ZC3H12C: variants seen among roughly 807,000 people sequenced by gnomAD.
ZC3H12C encodes the protein probable ribonuclease ZC3H12C.
Under a neutral mutation model 76.3 loss-of-function variants are expected in ZC3H12C, and 20 were observed. The ratio of observed to expected loss-of-function variants is 0.26; its 90% confidence interval spans 0.18 to 0.38. The LOEUF is 0.38. Among genes scored for constraint, ZC3H12C ranks in the 10% least tolerant of loss-of-function variants. The pLI is 1.00. For missense variants in ZC3H12C, 874 were observed against 1,086.5 expected (o/e 0.80, Z 2.75); for synonymous variants, 352 against 399.6 (o/e 0.88, Z 1.42).
intron 1 of ZC3H12C, among the ~76,000 whole-genome samples, chr11:110,132,186 T>C (rs1476561738): frequency 6.6e-6 from 1 of 152,210 alleles, no homozygotes; most frequent in East Asian, 1.9e-4. Context: ...AAGTTTATGG[T>C]CTAATATTCC....
chr11:110,159,633 G>A, intron 4 of ZC3H12C, 143 bp downstream of exon 4: 2 of 744,226 alleles, frequency 2.7e-6, no homozygotes, highest in African/African-American at 1.8e-5. Flanking sequence ...GATCCTCAGT[G>A]GGAGTCAGGA....
chr11:110,111,773 G>A (rs960840950), intron 1 of ZC3H12C, among the ~76,000 whole-genome samples: 2 of 150,818 alleles, frequency 1.3e-5, no homozygotes, highest in African/African-American at 4.9e-5. Context: ...AAATTCCTGG[G>A]CTCAAGCCAC....
At position 110,156,445 on chromosome 11, in the gene ZC3H12C, T is replaced by A. The variant is rs549352646; in HGVS notation, c.914-2811T>A. ...CTAGTTTTACTGAACCCATATTACT[T>A]ATGTCAGGATTATTTATGTCATCCT... is the stretch of plus-strand genomic sequence containing the variant. On this transcript the variant is annotated intron_variant, in intron 3 of 5. Transcript: ENST00000278590. 6.6e-5 allele frequency among the ~76,000 whole-genome samples: 10 copies of A among 152,334 alleles called. No homozygotes were observed. The South Asian group carries it at 1.2e-3, about 19-fold the overall frequency.
Position 110,164,789 on chromosome 11 carries a change from T to A in ZC3H12C, c.1704T>A (p.Asn568Lys). The A allele has an allele frequency of 6.2e-7, 1 of 1,613,966 alleles. No homozygotes were observed. The change falls in exon 6 of 6, where the codon AAT (asparagine) becomes AAA (lysine). Residue 568 changes from asparagine to lysine, a missense_variant. Asn to Lys is a moderately conservative substitution (Grantham distance 94). This residue lies in a region of ZC3H12C where 395 missense variants were observed against 434.4 expected (regional missense o/e 0.91). Transcript: ENST00000278590. This position sits in a 1 kb window ranked among gnomAD's most constrained non-coding sequence, Gnocchi z 5.7. ...QYPSMMMATK[N>K]HGTPMPYEQY... Reference sequence around the variant, plus strand: ...CTTCAATGATGATGGCAACCAAAAATCATGGAACGCCAATGCCTTATGAAC... The same window carrying A: ...CTTCAATGATGATGGCAACCAAAAAACATGGAACGCCAATGCCTTATGAAC...
At chr11:110,125,245 T>TG (rs1224774349) in intron 1 of ZC3H12C, among the ~76,000 whole-genome samples, 1 of 151,768 alleles carries the variant, frequency 6.6e-6, no homozygotes, top group Non-Finnish European at 1.5e-5. Context: ...ATGGATTTTA[T>TG]GGGAACCATA....
chr11:110,116,056 G>A (rs188270823), intron 1 of ZC3H12C, among the ~76,000 whole-genome samples: 2 of 152,208 alleles, frequency 1.3e-5, no homozygotes, highest in East Asian at 1.9e-4. Context: ...CACCACGCCC[G>A]GCCTGTTTTC....
intron 1 of ZC3H12C, among the ~76,000 whole-genome samples, chr11:110,132,324 G>A (rs868256818): frequency 5.3e-5 from 8 of 152,098 alleles, no homozygotes; most frequent in Non-Finnish European, 8.8e-5. Flanking sequence ...AGGAATTTCA[G>A]TGTGTGCAAT....
chr11:110,147,772 T>C lies in ZC3H12C; in HGVS notation c.774-5147T>C, dbSNP rs886578806. Among the ~76,000 whole-genome samples the C allele has an allele frequency of 4.6e-5, 7 of 152,324 alleles. No individual in the cohort carries two copies. The East Asian group carries it at 7.7e-4, about 17-fold the overall frequency. ...ATTTGCCAACCTAATACCTTAATTC[T>C]AGGACAGTCTGTTATCCAGGTTCTC... On this transcript the variant is annotated intron_variant, in intron 2 of 5. Transcript: ENST00000278590.
chr11:110,095,598 T>C (rs1273675855), intron 1 of ZC3H12C, among the ~76,000 whole-genome samples: 1 of 152,252 alleles, frequency 6.6e-6, no homozygotes, highest in African/African-American at 2.4e-5. Context: ...TTATTATCAC[T>C]CTAGCTGCTG....
At chr11:110,133,969 A>G (rs935077649) in intron 1 of ZC3H12C, among the ~76,000 whole-genome samples, 10 of 152,198 alleles carry the variant, frequency 6.6e-5, no homozygotes, top group African/African-American at 2.2e-4. Flanking sequence ...TGTATTTTTC[A>G]TAAGGTATTC....
intron 4 of ZC3H12C, among the ~76,000 whole-genome samples, chr11:110,160,681 G>A (rs190385431): frequency 3.9e-5 from 6 of 152,102 alleles, no homozygotes; most frequent in African/African-American, 9.6e-5. Context: ...CTATGGTAAC[G>A]ATGCCTTTTG....
chr11:110,134,782 T>C (rs1861925556), intron 1 of ZC3H12C, among the ~76,000 whole-genome samples: 1 of 152,148 alleles, frequency 6.6e-6, no homozygotes, highest in Admixed American at 6.6e-5. Context: ...AACAATGATA[T>C]TAAAGTTGTC....
chr11:110,134,412 T>G (rs912454316), intron 1 of ZC3H12C, among the ~76,000 whole-genome samples: 2 of 152,150 alleles, frequency 1.3e-5, no homozygotes, highest in African/African-American at 4.8e-5. Context: ...CCAATAGGTT[T>G]TCCTCGTTTA....
intron 2 of ZC3H12C, among the ~76,000 whole-genome samples, chr11:110,143,417 T>C (rs1862102725): frequency 6.6e-6 from 1 of 152,014 alleles, no homozygotes; most frequent in African/African-American, 2.4e-5. Flanking sequence ...CAAGATGGTT[T>C]ATGTATAATC....
chr11:110,161,507 C>CTAAT (rs1423940075), intron 4 of ZC3H12C, among the ~76,000 whole-genome samples: 1 of 152,260 alleles, frequency 6.6e-6, no homozygotes, highest in East Asian at 1.9e-4. Flanking sequence ...ACCTCTTGTG[C>CTAAT]TAATTAAAAA....
chr11:110,152,177 C>A (rs621873), intron 2 of ZC3H12C, among the ~76,000 whole-genome samples: 104,316 of 151,602 alleles, frequency 0.69, 36,661 homozygotes, highest in South Asian at 0.79. Flanking sequence ...GAGCCTGGTG[C>A]TAGATAAACA....
At chr11:110,111,194 G>A (rs564950027) in intron 1 of ZC3H12C, among the ~76,000 whole-genome samples, 4 of 152,264 alleles carry the variant, frequency 2.6e-5, no homozygotes, top group East Asian at 3.9e-4. Flanking sequence ...CATTCCTCAC[G>A]ATAACAGGTA....
At chr11:110,148,233 C>T (rs1029254819) in intron 2 of ZC3H12C, among the ~76,000 whole-genome samples, 13 of 152,174 alleles carry the variant, frequency 8.5e-5, no homozygotes, top group Admixed American at 6.5e-5. Flanking sequence ...CTGAGAATTC[C>T]TGTAAATACA....
rs1322882414 is a variant in ZC3H12C, at chr11:110,167,475, T to C, written c.*1738T>C. 1 of 152,214 alleles carries C rather than the reference T, an allele frequency of 6.6e-6. No homozygotes were observed. The highest frequency in any genetic ancestry group is 2.4e-5 in the African/African-American group (1 of 41,458). 9.4% of individuals were successfully genotyped at this position (152,214 alleles called of 1,614,324 possible). On this transcript the variant is annotated 3_prime_UTR_variant, in exon 6 of 6. Coordinates refer to ENST00000278590, the MANE Select transcript of ZC3H12C (RefSeq NM_033390.2). ...AAATGTCTGTCTTAGTTTTATATAA[T>C]ATATTAAAACACAGTAAATAAATTT...
Sources: gnomAD v4.1 joint callset for allele counts (sites outside exome capture counted in the v4.1 genomes callset) on GRCh38, gnomAD v4.1.1 for gene constraint, gnomAD v4.1.1 regional missense constraint, Gnocchi (gnomAD v3.1) non-coding constraint, MANE v1.5 for transcripts, NCBI Gene and HGNC (gene_info 2026-07-23, HGNC 2026-07-21) for gene names.